APP: variants seen among roughly 807,000 people sequenced by gnomAD.
APP encodes the protein amyloid beta precursor protein, also known as amyloid-beta precursor protein.
A neutral mutation model predicts 101.4 loss-of-function variants in APP; 31 were observed. The ratio of observed to expected loss-of-function variants is 0.31; its 90% CI spans 0.23 to 0.41. The LOEUF is 0.41. Among genes scored for constraint, APP ranks in the 10% least tolerant of loss-of-function variants. The pLI is 1.00. For synonymous variants in APP, 366 were observed against 364.4 expected, an observed-to-expected ratio of 1.00 and a Z score of -0.05; for missense variants, 839 against 1,003.7, an observed-to-expected ratio of 0.84 and a Z score of 2.22.
intron 5 of APP, among the ~76,000 whole-genome samples, chr21:26,034,207 C>A (rs908415018): frequency 1.3e-5 from 2 of 152,144 alleles, no homozygotes; most frequent in South Asian, 2.1e-4. Flanking sequence ...AAAATCTAGC[C>A]TTATGAAGTC....
At chr21:26,127,178 G>A (rs2062702208) in intron 1 of APP, among the ~76,000 whole-genome samples, 1 of 139,246 alleles carries the variant, frequency 7.2e-6, no homozygotes, top group African/African-American at 2.9e-5. Flanking sequence ...AATCTTGAGG[G>A]TTAATTATCC....
chr21:25,915,880 G>T (rs999017405), intron 13 of APP, among the ~76,000 whole-genome samples: 1 of 152,098 alleles, frequency 6.6e-6, no homozygotes, highest in Non-Finnish European at 1.5e-5. Context: ...CCCCATGGTG[G>T]TTAATTATAT....
At chr21:26,109,642 C>T (rs1043066515) in intron 2 of APP, among the ~76,000 whole-genome samples, 13 of 152,150 alleles carry the variant, frequency 8.5e-5, no homozygotes, top group Non-Finnish European at 1.2e-4. Flanking sequence ...CAGGCTAAGA[C>T]AGAAAGTAAA....
intron 1 of APP, among the ~76,000 whole-genome samples, chr21:26,116,869 G>A (rs1289671100): frequency 6.6e-6 from 1 of 152,070 alleles, no homozygotes; most frequent in Non-Finnish European, 1.5e-5. Context: ...CTTCGAGTCA[G>A]ATTCTTGCAT....
In APP at chr21:25,881,828, C is replaced by T. The variant is rs1354704160; in HGVS notation, c.2212-57G>A. ...TAAAAATCAATCTTTTAAGGGTGAA[C>T]ATGGAGAAGCAGTAAAAAGATAAGG... On this transcript the variant is annotated intron_variant, in intron 17 of 17. Transcript: ENST00000346798. 3.3e-6 allele frequency: 5 copies of T among 1,514,464 alleles called. No homozygotes were observed. In the African/African-American group the frequency reaches 4.1e-5, roughly 12 times the overall value. 93.8% of individuals were successfully genotyped at this position (1,514,464 alleles called of 1,614,324 possible). A position where few individuals can be genotyped will look rare whatever the true frequency, so the allele number is the denominator to read the frequency against.
At chr21:26,109,141 T>A (rs1292846471) in intron 2 of APP, among the ~76,000 whole-genome samples, 2 of 152,164 alleles carry the variant, frequency 1.3e-5, no homozygotes, top group African/African-American at 4.8e-5. Flanking sequence ...AAAGGGCTAA[T>A]TCTCCCCACT....
At position 26,127,075 on chromosome 21, in the gene APP, G is replaced by A. The variant is rs531828650; in HGVS notation, c.58-14929C>T. Among the ~76,000 whole-genome samples, 19 of 151,832 alleles carry A rather than the reference G, an allele frequency of 1.3e-4. No individual in the cohort carries two copies. The East Asian group carries it at 2.9e-3, about 23-fold the overall frequency. On this transcript the variant is annotated intron_variant, in intron 1 of 17. Coordinates refer to ENST00000346798, the MANE Select transcript of APP (RefSeq NM_000484.4). ...CTTCAACTCAAGATTACAGAAGATT[G>A]CCCCATAATTATTTCATATAAAATG...
chr21:26,018,272 A>G (rs2044189515), intron 6 of APP, among the ~76,000 whole-genome samples: 1 of 152,242 alleles, frequency 6.6e-6, no homozygotes, highest in African/African-American at 2.4e-5. Flanking sequence ...ATGGCTGTAA[A>G]TCACATTTTG....
Position 25,881,474 on chromosome 21 carries a change from GAT to G in APP, c.*194_*195del. 1 of 659,676 alleles carries G rather than the reference GAT, an allele frequency of 1.5e-6. No individual in the cohort carries two copies. Among genetic ancestry groups the G allele is most frequent in the East Asian group, 2.7e-5 (1 of 36,454 alleles). 40.9% of individuals were successfully genotyped at this position (659,676 alleles called of 1,614,324 possible). On this transcript the variant is annotated 3_prime_UTR_variant, in exon 18 of 18. Coordinates refer to ENST00000346798, the MANE Select transcript of APP (RefSeq NM_000484.4). ...GTATAGAGACCAAAATGTAAAGAGA[GAT>G]AGAATACATTACTGATGTGTGGATT...
At chr21:25,969,347 CAAAAAAAAAAAA>C (rs60834302) in intron 11 of APP, among the ~76,000 whole-genome samples, 3 of 55,674 alleles carry the variant, frequency 5.4e-5, no homozygotes, top group Non-Finnish European at 1.2e-4. Flanking sequence ...GACTCTGTCT[CAAAAAAAAAAAA>C]AAAAAAAAAA....
chr21:25,882,851 C>T (rs1016088607), intron 17 of APP, among the ~76,000 whole-genome samples: 3 of 152,156 alleles, frequency 2.0e-5, no homozygotes, highest in African/African-American at 7.2e-5. Flanking sequence ...GAATGGGCTG[C>T]TCATTCATCT....
chr21:26,060,811 T>G (rs986221098), intron 3 of APP, among the ~76,000 whole-genome samples: 3 of 152,172 alleles, frequency 2.0e-5, no homozygotes, highest in Non-Finnish European at 4.4e-5. Flanking sequence ...GATGCATGCC[T>G]GGTGAACTCA....
chr21:26,053,450 C>T (rs2045918046), intron 3 of APP, 102 bp from the exon 4 acceptor site: 5 of 844,900 alleles, frequency 5.9e-6, no homozygotes, highest in South Asian at 2.7e-5. Context: ...AGTTAAACAG[C>T]CTTTTAATGC....
intron 1 of APP, among the ~76,000 whole-genome samples, chr21:26,136,130 C>CAAAA (rs566248174): frequency 6.0e-5 from 3 of 50,392 alleles, no homozygotes; most frequent in South Asian, 1.2e-3. Context: ...GACTCTGTCT[C>CAAAA]AAAAAAGAAA....
intron 16 of APP, among the ~76,000 whole-genome samples, chr21:25,894,317 A>G (rs1411850062): frequency 6.6e-6 from 1 of 152,212 alleles, no homozygotes; most frequent in African/African-American, 2.4e-5. Context: ...TTATTTCAAA[A>G]TATATTTCAA....
intron 13 of APP, among the ~76,000 whole-genome samples, chr21:25,952,561 G>C (rs2829995): frequency 6.6e-6 from 1 of 152,008 alleles, no homozygotes; most frequent in Non-Finnish European, 1.5e-5. Flanking sequence ...GTTTTCAGTA[G>C]TATAGTGCCA....
chr21:25,897,416 G>A (rs2038144376), intron 16 of APP, among the ~76,000 whole-genome samples, 157 bp downstream of exon 16: 2 of 152,124 alleles, frequency 1.3e-5, no homozygotes, highest in Admixed American at 6.6e-5. Flanking sequence ...GCTCAGCCTA[G>A]CCTATTTATT....
chr21:25,893,894 C>T (rs1783019), intron 16 of APP, among the ~76,000 whole-genome samples: 121,983 of 152,194 alleles, frequency 0.8, 49,001 homozygotes, highest in African/African-American at 0.85. Context: ...ACTTTCATCA[C>T]TAGAGAGAAG....
chr21:26,016,887 T>A (rs1317350357), intron 6 of APP, among the ~76,000 whole-genome samples: 2 of 144,370 alleles, frequency 1.4e-5, no homozygotes, highest in Non-Finnish European at 3.0e-5. Context: ...ATTAAAAAAA[T>A]TTTTTTCGGC....
Sources: gnomAD v4.1 joint callset for allele counts (sites outside exome capture counted in the v4.1 genomes callset) on GRCh38, gnomAD v4.1.1 for gene constraint, MANE v1.5 for transcripts, NCBI Gene and HGNC (gene_info 2026-07-23, HGNC 2026-07-21) for gene names.